PTPRK: variants seen among roughly 807,000 people sequenced by gnomAD.
PTPRK encodes protein tyrosine phosphatase receptor type K.
PTPRK carries 75 observed loss-of-function variants against 178.0 expected under a neutral mutation model. The observed-to-expected ratio is 0.42, with a 90% CI of 0.35 to 0.51. The LOEUF is 0.51. Ranked by LOEUF, PTPRK falls within the 20% of genes least tolerant of loss-of-function variation. The pLI is 0.02. For missense variants in PTPRK, 1,441 were observed against 1,797.8 expected (o/e 0.80, Z 3.59); for synonymous variants, 637 against 620.6 (o/e 1.03, Z -0.39).
At position 128,331,536 on chromosome 6, in the gene PTPRK, A is replaced by C. The variant is rs180896473; in HGVS notation, c.224-9226T>G. 5.1e-4 allele frequency among the ~76,000 whole-genome samples: 77 copies of C among 152,294 alleles called. 1 individual carries two copies. In the East Asian group the frequency reaches 0.014, roughly 27 times the overall value. ...ATAAGCAAAATTTTCAATCTTGAGA[A>C]TAACCCTAAAATACTCCATTAATTT... On this transcript the variant is annotated intron_variant, in intron 2 of 29. Transcript: ENST00000368226.
chr6:128,258,432 T>A (rs1425336180), intron 3 of PTPRK, among the ~76,000 whole-genome samples: 1 of 152,146 alleles, frequency 6.6e-6, no homozygotes, highest in African/African-American at 2.4e-5. Flanking sequence ...ACACTAGAGA[T>A]AACTGACCAG....
intron 7 of PTPRK, among the ~76,000 whole-genome samples, chr6:128,129,515 C>T (rs1419983320): frequency 6.6e-6 from 1 of 152,020 alleles, no homozygotes; most frequent in African/African-American, 2.4e-5. Context: ...ATATTAGAAA[C>T]ATATTGCACA....
intron 1 of PTPRK, among the ~76,000 whole-genome samples, chr6:128,399,427 G>A (rs774234994): frequency 6.6e-6 from 1 of 152,070 alleles, no homozygotes; most frequent in Admixed American, 6.5e-5. Flanking sequence ...AACCAAACTC[G>A]AGAACTCAAA....
chr6:128,163,476 A>T (rs1322867329), intron 7 of PTPRK, among the ~76,000 whole-genome samples: 1 of 151,562 alleles, frequency 6.6e-6, no homozygotes, highest in Non-Finnish European at 1.5e-5. Context: ...AATTTCCCTT[A>T]TAACTTTATG....
At chr6:128,498,721 G>A (rs1176030510) in intron 1 of PTPRK, among the ~76,000 whole-genome samples, 3 of 151,926 alleles carry the variant, frequency 2.0e-5, no homozygotes, top group Non-Finnish European at 4.4e-5. Flanking sequence ...GAATAAATAT[G>A]GAATAAAAAC....
intron 1 of PTPRK, chr6:128,491,680 C>A: frequency 2.2e-6 from 1 of 458,460 alleles, no homozygotes. Context: ...AAATCTGCCA[C>A]TAAAACAAAC....
intron 3 of PTPRK, among the ~76,000 whole-genome samples, chr6:128,320,334 T>C (rs1311174678): frequency 3.3e-5 from 5 of 152,116 alleles, no homozygotes; most frequent in African/African-American, 9.7e-5. Context: ...TTTAACAACT[T>C]AGAAAAAATA....
At chr6:128,301,384 A>G (rs1449030575) in intron 3 of PTPRK, among the ~76,000 whole-genome samples, 1 of 152,106 alleles carries the variant, frequency 6.6e-6, no homozygotes, top group East Asian at 1.9e-4. Flanking sequence ...AAAAAAAAAT[A>G]ATAGGTAAAA....
At chr6:128,365,284 T>C (rs902921784) in intron 2 of PTPRK, among the ~76,000 whole-genome samples, 5 of 152,236 alleles carry the variant, frequency 3.3e-5, no homozygotes, top group African/African-American at 1.2e-4. Flanking sequence ...ATCTTATGCA[T>C]ATCTTTATAG....
At chr6:128,067,079 C>T (rs928922580) in intron 12 of PTPRK, among the ~76,000 whole-genome samples, 1 of 152,152 alleles carries the variant, frequency 6.6e-6, no homozygotes, top group African/African-American at 2.4e-5. Flanking sequence ...CTTGAAAACC[C>T]TGAAAAGTTT....
Position 127,973,767 on chromosome 6 carries a change from C to T in PTPRK, c.4030G>A (p.Glu1344Lys). 1 of 1,614,058 alleles carries T rather than the reference C, an allele frequency of 6.2e-7. No individual in the cohort carries two copies. Among genetic ancestry groups the T allele is most frequent in the Non-Finnish European group, 8.5e-7 (1 of 1,179,948 alleles). The stretch of plus-strand genomic sequence containing the variant: ...AATGACCTTTTGGATCCAGGCACTT[C>T]TCGATGAGAAGCCCATCCTAGGTAC... The part of the protein sequence containing the change: ...FQYLGWASHR[E>K]VPGSKRSFLK... Residue 1344 changes from glutamate (E) to lysine (K), a missense_variant, in exon 28 of 30, where the codon GAA (glutamate) becomes AAA (lysine). Coordinates refer to ENST00000368226, the MANE Select transcript of PTPRK (RefSeq NM_002844.4).
At chr6:128,216,548 A>T (rs978596101) in intron 6 of PTPRK, among the ~76,000 whole-genome samples, 2 of 151,926 alleles carry the variant, frequency 1.3e-5, no homozygotes, top group African/African-American at 2.4e-5. Flanking sequence ...AAAATAAAAA[A>T]AAAAAAAAAA....
intron 1 of PTPRK, among the ~76,000 whole-genome samples, chr6:128,419,263 T>C (rs1343831277): frequency 6.6e-6 from 1 of 152,128 alleles, no homozygotes; most frequent in African/African-American, 2.4e-5. Context: ...AAATGGACAC[T>C]AAAAGGGGGT....
rs541433205 is a variant in PTPRK at position 128,272,611 on chromosome 6, C to T, written c.496-30009G>A. ...CAGCCAACAGACACGTGAAAAAATG[C>T]TCAGCATCACTGGCCCTCAGAGAAA... is the stretch of plus-strand genomic sequence containing the variant. On this transcript the variant is annotated intron_variant, in intron 3 of 29. Coordinates refer to ENST00000368226, the MANE Select transcript of PTPRK (RefSeq NM_002844.4). Among the ~76,000 whole-genome samples, 35 of 152,268 alleles carry T rather than the reference C, an allele frequency of 2.3e-4. No individual in the cohort carries two copies. In the South Asian group the frequency reaches 7.3e-3, roughly 32 times the overall value.
At chr6:128,263,855 G>A (rs1204799353) in intron 3 of PTPRK, among the ~76,000 whole-genome samples, 1 of 152,128 alleles carries the variant, frequency 6.6e-6, no homozygotes, top group Non-Finnish European at 1.5e-5. Context: ...CCTTGTAGAG[G>A]TGGCACTGGG....
At chr6:128,353,982 A>G (rs572993739) in intron 2 of PTPRK, among the ~76,000 whole-genome samples, 16 of 152,278 alleles carry the variant, frequency 1.1e-4, no homozygotes, top group Admixed American at 3.9e-4. Context: ...GGGAAAATGG[A>G]TAAAGGGACA....
chr6:128,194,067 T>TATA lies in PTPRK; in HGVS notation c.869-9343_869-9342insTAT, dbSNP rs1491310879. 3.9e-3 allele frequency among the ~76,000 whole-genome samples: 268 copies of TATA among 68,852 alleles called. 2 individuals are homozygous for TATA. The highest frequency in any genetic ancestry group is 0.017 in the African/African-American group (233 of 13,556). 45.2% of individuals were successfully genotyped at this position (68,852 alleles called of 152,430 possible). A position where few individuals can be genotyped will look rare whatever the true frequency, so the allele number is the denominator to read the frequency against. On this transcript the variant is annotated intron_variant, in intron 6 of 29. Transcript: ENST00000368226. ...AATCGCAATAATATTTATATATATA[T>TATA]TATTATTATTATTATTATTATTATT...
intron 2 of PTPRK, among the ~76,000 whole-genome samples, chr6:128,387,430 G>C (rs995261494): frequency 8.5e-5 from 13 of 152,120 alleles, no homozygotes; most frequent in African/African-American, 3.1e-4. Context: ...AGTAAAGATA[G>C]CCTCATGGTT....
chr6:128,003,159 C>T (rs1379265660), intron 15 of PTPRK: 1 of 1,569,830 alleles, frequency 6.4e-7, no homozygotes, highest in African/African-American at 1.4e-5. Context: ...GAGGTGTGAT[C>T]CATGCAATGA....
Sources: allele counts gnomAD v4.1 joint callset (sites outside exome capture counted in the v4.1 genomes callset), GRCh38; gene constraint gnomAD v4.1.1; transcripts MANE v1.5; gene names NCBI Gene and HGNC (gene_info 2026-07-23, HGNC 2026-07-21).